CPSF7: variants seen among roughly 807,000 people sequenced by gnomAD.
The protein encoded by CPSF7 is cleavage and polyadenylation specific factor 7.
CPSF7 carries 1 observed loss-of-function variant against 44.3 expected under a neutral mutation model. The ratio of observed to expected loss-of-function variants is 0.02; its 90% CI spans 0.01 to 0.11. The LOEUF (loss-of-function observed/expected upper bound fraction) is 0.11. Among genes scored for constraint, CPSF7 ranks in the 10% least tolerant of loss-of-function variants. CPSF7 has a pLI of 1.00. For synonymous variants in CPSF7, 202 were observed against 222.0 expected, an observed-to-expected ratio of 0.91 and a Z score of 0.80; for missense variants, 443 against 607.2, an observed-to-expected ratio of 0.73 and a Z score of 2.84.
intron 2 of CPSF7, among the ~76,000 whole-genome samples, chr11:61,427,983 A>G (rs1861552486): frequency 6.6e-6 from 1 of 152,200 alleles, no homozygotes; most frequent in South Asian, 2.1e-4. Context: ...AACCCATTCA[A>G]TACATGCTCT....
chr11:61,407,864 G>A (rs369480970), intron 9 of CPSF7, among the ~76,000 whole-genome samples: 13 of 152,162 alleles, frequency 8.5e-5, no homozygotes, highest in African/African-American at 2.7e-4. Flanking sequence ...GCAAAATACT[G>A]CTAATTTTCC....
intron 2 of CPSF7, 175 bp downstream of exon 2, chr11:61,429,007 T>G (rs570149695): frequency 4.3e-6 from 2 of 464,374 alleles, no homozygotes; most frequent in South Asian, 8.8e-5. Context: ...GAGCTTCAAA[T>G]TAACATAAAG....
rs751622865 is a variant in CPSF7, at chr11:61,420,488, G to A, written c.359C>T (p.Ala120Val). ...VVELKFAENR[A>V]NGQSKGYAEV... Reference sequence around the variant, plus strand: ...ACCTCACCCTTTGGACTGGCCATTTGCTCGATTCTCTGCAAATTTCAACTC... The same window carrying A: ...ACCTCACCCTTTGGACTGGCCATTTACTCGATTCTCTGCAAATTTCAACTC... Residue 120 changes from alanine to valine, a missense_variant, in exon 4 of 10, where the codon GCA (alanine) becomes GTA (valine). Physicochemically the swap from Ala to Val is moderately conservative, Grantham distance 64 (BLOSUM62 0). Transcript: ENST00000439958. The A allele has an allele frequency of 3.7e-6, 6 of 1,613,648 alleles. No homozygotes were observed. The Admixed American group carries it at 1.0e-4, about 27-fold the overall frequency.
intron 9 of CPSF7, 74 bp downstream of exon 9, chr11:61,410,864 A>G: frequency 7.0e-7 from 1 of 1,428,370 alleles, no homozygotes; most frequent in Non-Finnish European, 9.3e-7. Flanking sequence ...TGCTTTAAAG[A>G]GAGAGAATTC....
At chr11:61,418,842 C>A (rs1860586999) in intron 5 of CPSF7, among the ~76,000 whole-genome samples, 1 of 151,960 alleles carries the variant, frequency 6.6e-6, no homozygotes, top group African/African-American at 2.4e-5. Flanking sequence ...CCTCAGACTC[C>A]CGAGTAGCTG....
rs529539636 is a variant in CPSF7, at chr11:61,409,979, A to G, written c.*5+959T>C. ...AGTGAGGCTCTGTCTCAAAAAAAAA[A>G]AGATAGGGTTTCACTATGTTGCTCA... On this transcript the variant is annotated intron_variant, in intron 9 of 9. Coordinates refer to ENST00000439958, the MANE Select transcript of CPSF7 (RefSeq NM_001142565.3). 1.2e-4 allele frequency among the ~76,000 whole-genome samples: 18 copies of G among 152,216 alleles called. No individual in the cohort carries two copies. In the South Asian group the frequency reaches 3.5e-3, roughly 30 times the overall value.
At chr11:61,410,434 T>G (rs1859751985) in intron 9 of CPSF7, 1 of 152,292 alleles carries the variant, frequency 6.6e-6, no homozygotes, top group African/African-American at 2.4e-5. Context: ...TGGCAATGGC[T>G]TTACTATTCT....
intron 4 of CPSF7, 91 bp downstream of exon 4, chr11:61,420,379 G>T: frequency 8.6e-7 from 1 of 1,156,148 alleles, no homozygotes; most frequent in Non-Finnish European, 1.3e-6. Flanking sequence ...GCCAGGGGTG[G>T]GAGTGATTAA....
chr11:61,416,230 A>G lies in CPSF7; in HGVS notation c.813T>C (p.Pro271=). The change falls in exon 6 of 10, where the codon CCT becomes CCC. Residue 271 remains proline (P), a synonymous_variant. Coordinates refer to ENST00000439958, the MANE Select transcript of CPSF7 (RefSeq NM_001142565.3). ...PPRLPPHLAV[P]PPGAIPPALH... ...GGGCAGGTGGGATGGCCCCAGGGGGAGGTACAGCAAGATGAGGAGGTAATC... is the reference window on the plus strand; with the variant it reads ...GGGCAGGTGGGATGGCCCCAGGGGGGGGTACAGCAAGATGAGGAGGTAATC... 1 of 1,528,070 alleles carries G rather than the reference A, an allele frequency of 6.5e-7. No homozygotes were observed. The highest frequency in any genetic ancestry group is 2.1e-5 in the Admixed American group (1 of 46,698). The allele number at this position is 1,528,070 out of a possible 1,614,324, so 94.7% of individuals were successfully genotyped here.
At chr11:61,410,049 T>TC (rs1173044024) in intron 9 of CPSF7, among the ~76,000 whole-genome samples, 1 of 150,768 alleles carries the variant, frequency 6.6e-6, no homozygotes, top group African/African-American at 2.4e-5. Flanking sequence ...AGCCTCTGCC[T>TC]CCCAAATTAC....
At chr11:61,429,688 C>T (rs1432648852) in intron 1 of CPSF7, 4 of 1,499,142 alleles carry the variant, frequency 2.7e-6, no homozygotes, top group South Asian at 1.2e-5. Flanking sequence ...CAGCTCCAGC[C>T]GCCTCTGCCC....
At chr11:61,429,727 C>G (rs1357141983) in intron 1 of CPSF7, 187 bp downstream of exon 1, 2 of 1,541,268 alleles carry the variant, frequency 1.3e-6, no homozygotes, top group East Asian at 2.4e-5. Flanking sequence ...TCGCCCCCAG[C>G]TAGGCCCGCC....
intron 2 of CPSF7, among the ~76,000 whole-genome samples, chr11:61,424,001 G>A (rs1464638326): frequency 6.6e-6 from 1 of 152,174 alleles, no homozygotes; most frequent in Non-Finnish European, 1.5e-5. Context: ...CCCACCAGGA[G>A]GGCTTAACCC....
At chr11:61,413,933 G>A (rs1860076670) in intron 7 of CPSF7, among the ~76,000 whole-genome samples, 1 of 152,018 alleles carries the variant, frequency 6.6e-6, no homozygotes, top group African/African-American at 2.4e-5. Context: ...ATCCTGGCAG[G>A]GAATTTTTGC....
intron 5 of CPSF7, among the ~76,000 whole-genome samples, chr11:61,417,619 C>T (rs1038259052): frequency 6.6e-6 from 1 of 152,200 alleles, no homozygotes; most frequent in African/African-American, 2.4e-5. Flanking sequence ...TTGACAACCA[C>T]CTAGATTTCT....
At position 61,408,882 on chromosome 11, in the gene CPSF7, A is replaced by G. The variant is rs368186126; in HGVS notation, c.*5+2056T>C. Reference sequence around the variant, plus strand: ...ACCTTCCTGCTTTCATTTTGCTTCAAAAGAAAATTACAGCCAGTCGCAGTG... The same window carrying G: ...ACCTTCCTGCTTTCATTTTGCTTCAGAAGAAAATTACAGCCAGTCGCAGTG... On this transcript the variant is annotated intron_variant, in intron 9 of 9. Transcript: ENST00000439958. Among the ~76,000 whole-genome samples the G allele has an allele frequency of 3.9e-5, 6 of 152,340 alleles. No individual in the cohort carries two copies. The South Asian group carries it at 1.0e-3, about 26-fold the overall frequency.
Position 61,429,904 on chromosome 11 carries a change from C to T in CPSF7, c.-56+10G>A. 3 of 1,504,094 alleles carry T rather than the reference C, an allele frequency of 2.0e-6. No individual in the cohort carries two copies. Among genetic ancestry groups the T allele is most frequent in the East Asian group, 2.6e-5 (1 of 39,104 alleles). 93.2% of individuals were successfully genotyped at this position (1,504,094 alleles called of 1,614,324 possible). ...GGCCCAACCTGCCCCCGACCGCGCG[C>T]CCCCGTTACCGGGAATATGGCGGCG... On this transcript the variant is annotated intron_variant, in intron 1 of 9. Coordinates refer to ENST00000439958, the MANE Select transcript of CPSF7 (RefSeq NM_001142565.3).
intron 2 of CPSF7, among the ~76,000 whole-genome samples, chr11:61,428,466 A>G (rs1861616387): frequency 6.6e-6 from 1 of 152,162 alleles, no homozygotes; most frequent in Non-Finnish European, 1.5e-5. Flanking sequence ...GATTACAGTC[A>G]AGAGCCACCT....
At chr11:61,405,621 A>G (rs1411901804) in intron 9 of CPSF7, among the ~76,000 whole-genome samples, 4 of 152,212 alleles carry the variant, frequency 2.6e-5, no homozygotes, top group Non-Finnish European at 4.4e-5. Context: ...GAGCATATTA[A>G]ACAGAATTAA....
Sources: allele counts gnomAD v4.1 joint callset (sites outside exome capture counted in the v4.1 genomes callset), GRCh38; gene constraint gnomAD v4.1.1; transcripts MANE v1.5; gene names NCBI Gene and HGNC (gene_info 2026-07-23, HGNC 2026-07-21).